Variants in SRCAP observed in about 807,000 individuals in gnomAD.
SRCAP encodes Snf2 related CREBBP activator protein, also known as chromatin remodeling protein SRCAP.
SRCAP carries 46 observed loss-of-function variants against 263.1 expected under a neutral mutation model. The observed-to-expected ratio is 0.17, with a 90% confidence interval of 0.14 to 0.22. The LOEUF is 0.22. Ranked by LOEUF, SRCAP falls within the 10% of genes least tolerant of loss-of-function variation. The pLI is 1.00. For synonymous variants in SRCAP, 1,813 were observed against 1,662.1 expected (o/e 1.09, Z -2.21); for missense variants, 3,695 against 4,181.9 (o/e 0.88, Z 3.21).
At position 30,721,416 on chromosome 16, in the gene SRCAP, G is replaced by C. The variant is rs374725943; in HGVS notation, c.3481G>C (p.Ala1161Pro). Reference sequence around the variant, plus strand: ...AACTGCTACCACCACAGCAGTGCCAGCTCCGACTCCTGCACCACAGCGCCT... The same window carrying C: ...AACTGCTACCACCACAGCAGTGCCACCTCCGACTCCTGCACCACAGCGCCT... ...TATATTTAVP[A>P]PTPAPQRLIL... The change falls in exon 21 of 34, where the codon GCT becomes CCT. Residue 1161 changes from alanine (A) to proline (P), a missense_variant. Physicochemically the swap from Ala to Pro is conservative, Grantham distance 27. This residue lies in a region of SRCAP where 1,347 missense variants were observed against 1,304.4 expected (regional missense o/e 1.03). Transcript: ENST00000262518. 1.9e-6 allele frequency: 3 copies of C among 1,613,466 alleles called. No individual in the cohort carries two copies. In the East Asian group the frequency reaches 6.7e-5, roughly 36 times the overall value.
At position 30,739,120 on chromosome 16, in the gene SRCAP, G is replaced by A. The variant is rs376725094; in HGVS notation, c.9080G>A (p.Arg3027His). The change falls in exon 34 of 34, where the codon CGT (arginine) becomes CAT (histidine). Residue 3027 changes from arginine to histidine, a missense_variant. By Grantham distance (29) the Arg-to-His change is conservative. This residue lies in a region of SRCAP where 1,207 missense variants were observed against 1,142.9 expected (regional missense o/e 1.06). Transcript: ENST00000262518. The part of the protein sequence containing the change: ...PRPSQLPVLD[R>H]DSTSVLESCG... ...CCCAGCCAGCTCCCCGTCTTGGACC[G>A]TGACAGCACTTCTGTTCTCGAGAGC... 1.5e-5 allele frequency: 24 copies of A among 1,614,078 alleles called. No individual in the cohort carries two copies. The highest frequency in any genetic ancestry group is 9.9e-5 in the South Asian group (9 of 91,092).
Position 30,700,842 on chromosome 16 carries a change from C to T in SRCAP, c.18C>T (p.Ser6=). 3 of 1,614,174 alleles carry T rather than the reference C, an allele frequency of 1.9e-6. No homozygotes were observed. Among genetic ancestry groups the T allele is most frequent in the Non-Finnish European group, 8.5e-7 (1 of 1,180,010 alleles). The part of the protein sequence containing the change: MQSSP[S]PAHPQLPVLQ... ...GTGGGACCATGCAGAGCAGCCCCTCCCCTGCTCACCCTCAGCTCCCAGTCC... is the reference window on the plus strand; with the variant it reads ...GTGGGACCATGCAGAGCAGCCCCTCTCCTGCTCACCCTCAGCTCCCAGTCC... The change falls in exon 3 of 34, where the codon TCC becomes TCT. Residue 6 remains serine (S), a synonymous_variant. Transcript: ENST00000262518.
In SRCAP at chr16:30,733,588, C is replaced by G. The variant is rs376282223; in HGVS notation, c.6298-14C>G. 2 of 1,601,974 alleles carry G rather than the reference C, an allele frequency of 1.2e-6. No individual in the cohort carries two copies. The highest frequency in any genetic ancestry group is 1.7e-6 in the Non-Finnish European group (2 of 1,173,702). ...AAGTCTCCCAGTATCATCTTTTTTTCCCTTTCCTTCTAGGCCTTGATGGAA... is the reference window on the plus strand; with the variant it reads ...AAGTCTCCCAGTATCATCTTTTTTTGCCTTTCCTTCTAGGCCTTGATGGAA... On this transcript the variant is annotated splice_polypyrimidine_tract_variant and intron_variant, in intron 28 of 33. Transcript: ENST00000262518. The surrounding 1 kb of genome is among the most constrained non-coding windows in gnomAD (Gnocchi z 5.3).
In SRCAP at chr16:30,722,654, C is replaced by T; in HGVS notation, c.3798C>T (p.Thr1266=). 1 of 1,614,070 alleles carries T rather than the reference C, an allele frequency of 6.2e-7. No individual in the cohort carries two copies. The highest frequency in any genetic ancestry group is 1.1e-5 in the South Asian group (1 of 91,078). Residue 1266 remains threonine (T), a synonymous_variant, in exon 23 of 34, where the codon ACC becomes ACT. Coordinates refer to ENST00000262518, the MANE Select transcript of SRCAP (RefSeq NM_006662.3). Reference sequence around the variant, plus strand: ...CCCTCATCCAGGCCGTGGCCCCGACCCCTGGCCCTACCCCTGTCTCTGTGC... The same window carrying T: ...CCCTCATCCAGGCCGTGGCCCCGACTCCTGGCCCTACCCCTGTCTCTGTGC... ...HVALIQAVAP[T]PGPTPVSVLP... is the part of the protein sequence containing the mutation.
At chr16:30,732,336 A>C (rs2053121458) in intron 27 of SRCAP, among the ~76,000 whole-genome samples, 1 of 152,008 alleles carries the variant, frequency 6.6e-6, no homozygotes, top group Admixed American at 6.6e-5. Flanking sequence ...CTGTAATCCC[A>C]GCCACTCGGG....
rs34438928 is a variant in SRCAP at position 30,700,707 on chromosome 16, G to A, written c.-118G>A. On this transcript the variant is annotated 5_prime_UTR_variant, in exon 3 of 34. Transcript: ENST00000262518. ...GCGGGTCCCGGTGGCCGGTGGCCCAGAATGAGGCCAGCTCCCAGCATGCCC... is the reference window on the plus strand; with the variant it reads ...GCGGGTCCCGGTGGCCGGTGGCCCAAAATGAGGCCAGCTCCCAGCATGCCC... The A allele has an allele frequency of 9.7e-7, 1 of 1,027,454 alleles. No homozygotes were observed. Among genetic ancestry groups the A allele is most frequent in the Non-Finnish European group, 1.4e-6 (1 of 702,928 alleles). The allele number at this position is 1,027,454 out of a possible 1,614,324, so 63.6% of individuals were successfully genotyped here.
chr16:30,726,984 G>A (rs11861271), intron 25 of SRCAP, among the ~76,000 whole-genome samples: 1,933 of 152,270 alleles, frequency 0.013, 36 homozygotes, highest in African/African-American at 0.042. Flanking sequence ...TTATAGACAT[G>A]AGCCACTGCA....
chr16:30,739,523 TCCC>T lies in SRCAP; in HGVS notation c.9485_9487del (p.Pro3162del), dbSNP rs759886344. 6.2e-7 allele frequency: 1 copy of T among 1,611,988 alleles called. No individual in the cohort carries two copies. Among genetic ancestry groups the T allele is most frequent in the Non-Finnish European group, 8.5e-7 (1 of 1,179,114 alleles). On this transcript the variant is annotated inframe_deletion, in exon 34 of 34. Transcript: ENST00000262518. ...AGCGGGGCCGCCTACAGCCCCCAAG[TCCC>T]CTGGGGCCTGAGGGTTCAGTAGAGG...
chr16:30,734,557 C>A lies in SRCAP; in HGVS notation c.6671C>A (p.Ser2224Tyr), dbSNP rs201111248. ...LEEPSSSSVP[S>Y]APEEEEETVA... ...GAACCTTCTAGCTCATCCGTGCCCT[C>A]TGCCCCTGAAGAGGAGGAAGAGACT... The change falls in exon 31 of 34, where the codon TCT becomes TAT. Residue 2224 changes from serine (S) to tyrosine (Y), a missense_variant. Coordinates refer to ENST00000262518, the MANE Select transcript of SRCAP (RefSeq NM_006662.3). 5 of 1,614,002 alleles carry A rather than the reference C, an allele frequency of 3.1e-6. No individual in the cohort carries two copies. The highest frequency in any genetic ancestry group is 3.4e-6 in the Non-Finnish European group (4 of 1,179,996).
In SRCAP at chr16:30,738,839, T is replaced by C; in HGVS notation, c.8799T>C (p.Pro2933=). ...PVHRPNPLLS[P]VEKRRRGRPP... Reference sequence around the variant, plus strand: ...ACAGACCCAATCCCCTCCTGTCACCTGTGGAGAAAAGAAGGCGAGGACGAC... The same window carrying C: ...ACAGACCCAATCCCCTCCTGTCACCCGTGGAGAAAAGAAGGCGAGGACGAC... The change falls in exon 34 of 34, where the codon CCT becomes CCC. Residue 2933 remains proline (P), a synonymous_variant. Transcript: ENST00000262518. 1 of 1,614,098 alleles carries C rather than the reference T, an allele frequency of 6.2e-7. No individual in the cohort carries two copies. The highest frequency in any genetic ancestry group is 8.5e-7 in the Non-Finnish European group (1 of 1,180,018).
intron 6 of SRCAP, among the ~76,000 whole-genome samples, chr16:30,709,201 A>C (rs1271239374): frequency 6.6e-6 from 1 of 152,056 alleles, no homozygotes; most frequent in African/African-American, 2.4e-5. Flanking sequence ...AGGGTGAGGC[A>C]GGAGGATCAT....
intron 25 of SRCAP, among the ~76,000 whole-genome samples, chr16:30,727,708 C>G (rs146692631): frequency 6.6e-6 from 1 of 152,160 alleles, no homozygotes; most frequent in Admixed American, 6.5e-5. Flanking sequence ...TGCACCACCA[C>G]GCCCAGCTAA....
chr16:30,724,170 T>C lies in SRCAP; in HGVS notation c.4746T>C (p.Ala1582=). ...CTCCAGCATCTTCTGCATCTCAGGC[T>C]CTAGCCACCCCTCTGGCTCCTATGG... ...LLAPASSASQ[A]LATPLAPMAA... The change falls in exon 25 of 34, where the codon GCT becomes GCC. Residue 1582 remains alanine (A), a synonymous_variant. Transcript: ENST00000262518. 6.2e-7 allele frequency: 1 copy of C among 1,614,054 alleles called. No homozygotes were observed. The highest frequency in any genetic ancestry group is 8.5e-7 in the Non-Finnish European group (1 of 1,179,996).
Position 30,737,251 on chromosome 16 carries a change from C to T in SRCAP, c.7211C>T (p.Ala2404Val), listed in dbSNP as rs988094460. 2 of 1,613,942 alleles carry T rather than the reference C, an allele frequency of 1.2e-6. No individual in the cohort carries two copies. Among genetic ancestry groups the T allele is most frequent in the African/African-American group, 2.7e-5 (2 of 74,856 alleles). ...AGTGAGCGTCTTCGTGGAGCCCGGGCTGAGACTCAAGGGGCAAACCACACT... is the reference window on the plus strand; with the variant it reads ...AGTGAGCGTCTTCGTGGAGCCCGGGTTGAGACTCAAGGGGCAAACCACACT... ...RVSERLRGARAETQGANHTPV... is the reference protein window; with the variant it reads ...RVSERLRGARVETQGANHTPV... Residue 2404 changes from alanine (A) to valine (V), a missense_variant, in exon 34 of 34, where the codon GCT (alanine) becomes GTT (valine). Around this residue, in one of 12 missense-constraint regions of SRCAP, gnomAD observed 1,207 missense variants for 1,142.9 expected, o/e 1.06. Transcript: ENST00000262518.
chr16:30,720,173 G>A lies in SRCAP; in HGVS notation c.2829G>A (p.Met943Ile), dbSNP rs764447113. ...CTTTCTTGTGGCAGCGGATAGACAT[G>A]GGTCGATTTGACCTTATTGGCCTGG... Reference protein sequence around the residue: ...TDVHPLQRIDMGRFDLIGLEG... With the variant: ...TDVHPLQRIDIGRFDLIGLEG... The change falls in exon 19 of 34, where the codon ATG becomes ATA. Residue 943 changes from methionine (M) to isoleucine (I), a missense_variant. Transcript: ENST00000262518. The A allele has an allele frequency of 1.2e-6, 2 of 1,609,958 alleles. No homozygotes were observed. Among genetic ancestry groups the A allele is most frequent in the Admixed American group, 3.3e-5 (2 of 59,916 alleles).
Position 30,738,283 on chromosome 16 carries a change from G to A in SRCAP, c.8243G>A (p.Arg2748Gln). The A allele has an allele frequency of 1.2e-6, 2 of 1,604,080 alleles. No homozygotes were observed. The highest frequency in any genetic ancestry group is 1.7e-6 in the Non-Finnish European group (2 of 1,174,336). ...CAACCACCAGGCCCCAAAGTGCTTC[G>A]AAAGCTGCCAGGACGGCTGGTAACT... ...PGQPPGPKVL[R>Q]KLPGRLVTVV... Residue 2748 changes from arginine (R) to glutamine (Q), a missense_variant, in exon 34 of 34, where the codon CGA becomes CAA. Physicochemically the swap from Arg to Gln is conservative, Grantham distance 43 (BLOSUM62 1). Around this residue, in one of 12 missense-constraint regions of SRCAP, gnomAD observed 1,207 missense variants for 1,142.9 expected, o/e 1.06. Coordinates refer to ENST00000262518, the MANE Select transcript of SRCAP (RefSeq NM_006662.3).
chr16:30,707,277 A>G lies in SRCAP; in HGVS notation c.401A>G (p.Lys134Arg). The G allele has an allele frequency of 1.2e-6, 2 of 1,614,130 alleles. No homozygotes were observed. The highest frequency in any genetic ancestry group is 8.5e-7 in the Non-Finnish European group (1 of 1,180,026). ...AAGGTGCCAGAGCCCCCTCGCCCCA[A>G]AGGTCACTGGGACTATTTGTGCGAA... ...LPKVPEPPRP[K>R]GHWDYLCEEM... The change falls in exon 5 of 34, where the codon AAA becomes AGA. Residue 134 changes from lysine to arginine, a missense_variant. Around this residue, in one of 12 missense-constraint regions of SRCAP, gnomAD observed 107 missense variants for 223.8 expected, o/e 0.48. Transcript: ENST00000262518.
chr16:30,712,550 C>T (rs1219368181), intron 13 of SRCAP, 111 bp downstream of exon 13: 2 of 1,516,554 alleles, frequency 1.3e-6, no homozygotes, highest in East Asian at 2.3e-5. Context: ...CGGTCATTAA[C>T]TGTATAGAGA....
chr16:30,713,900 G>T lies in SRCAP; in HGVS notation c.2493+189G>T, dbSNP rs1466288226. ...TGACCTCATCTTAGTCATCAATTCT[G>T]TTTTTTTTTTTTTTTGAGACTGAGT... On this transcript the variant is annotated intron_variant, in intron 16 of 33. Transcript: ENST00000262518. Among the ~76,000 whole-genome samples the T allele has an allele frequency of 8.6e-5, 12 of 138,984 alleles. 1 individual carries two copies. The highest frequency in any genetic ancestry group is 7.5e-3 in the Middle Eastern group (2 of 266). 91.2% of individuals were successfully genotyped at this position (138,984 alleles called of 152,430 possible).
Sources: allele counts gnomAD v4.1 joint callset (sites outside exome capture counted in the v4.1 genomes callset), GRCh38; gene constraint gnomAD v4.1.1; regional missense constraint gnomAD v4.1.1; non-coding constraint Gnocchi (gnomAD v3.1); transcripts MANE v1.5; gene names NCBI Gene and HGNC (gene_info 2026-07-23, HGNC 2026-07-21).